The following PITPNC1 variants were observed in gnomAD, a reference collection of about 807,000 sequenced individuals.
PITPNC1 encodes the protein cytoplasmic phosphatidylinositol transfer protein 1.
Under a neutral mutation model 44.7 loss-of-function variants are expected in PITPNC1, and 18 were observed. That is an observed-to-expected ratio of 0.40 (90% CI 0.28 to 0.60). PITPNC1 has a LOEUF of 0.60. Among genes scored for constraint, PITPNC1 ranks in the 20% least tolerant of loss-of-function variants. The probability of loss-of-function intolerance (pLI) is 0.39; values close to 1 mark genes in which losing one functional copy is unlikely to be tolerated. For missense variants in PITPNC1, 290 were observed against 418.4 expected (o/e 0.69, Z 2.68); for synonymous variants, 141 against 149.6 (o/e 0.94, Z 0.42).
chr17:67,462,270 C>T (rs1333537109), intron 1 of PITPNC1, among the ~76,000 whole-genome samples: 1 of 116,690 alleles, frequency 8.6e-6, no homozygotes, highest in Non-Finnish European at 1.6e-5. Flanking sequence ...CTTGCTCTGT[C>T]GTCCAGGCTG....
chr17:67,640,994 A>G (rs2042087349), intron 6 of PITPNC1, among the ~76,000 whole-genome samples: 1 of 152,168 alleles, frequency 6.6e-6, no homozygotes, highest in South Asian at 2.1e-4. Context: ...TGTCTCAAAA[A>G]AAAAAGAAAC....
intron 1 of PITPNC1, among the ~76,000 whole-genome samples, chr17:67,494,185 T>TTCTTTTTCTTTTCTTTCTTTCTTTCTTTC: frequency 2.0e-5 from 2 of 102,428 alleles, no homozygotes; most frequent in Admixed American, 1.0e-4. Context: ...CTTTCTTTCT[T>TTCTTTTTCTTTTCTTTCTTTCTTTCTTTC]TTTCTTTCTT....
At chr17:67,568,954 G>A (rs180822038) in intron 4 of PITPNC1, among the ~76,000 whole-genome samples, 2 of 152,248 alleles carry the variant, frequency 1.3e-5, no homozygotes, top group Admixed American at 1.3e-4. Flanking sequence ...TGACAATAAT[G>A]ACAGTCTTCA....
intron 5 of PITPNC1, among the ~76,000 whole-genome samples, chr17:67,619,024 A>C (rs1409980522): frequency 3.3e-5 from 5 of 152,232 alleles, no homozygotes; most frequent in African/African-American, 1.2e-4. Flanking sequence ...GCGCCACTGC[A>C]CTCCAGCCTG....
intron 1 of PITPNC1, among the ~76,000 whole-genome samples, chr17:67,503,948 T>A (rs1247252059): frequency 6.6e-6 from 1 of 152,186 alleles, no homozygotes. Context: ...TCTATTCCCT[T>A]ATTTTGCAAC....
At chr17:67,446,339 T>C (rs1240819752) in intron 1 of PITPNC1, among the ~76,000 whole-genome samples, 5 of 151,848 alleles carry the variant, frequency 3.3e-5, no homozygotes, top group African/African-American at 4.8e-5. Context: ...TTCAGGACTT[T>C]CTAAAATTAA....
At chr17:67,560,364 T>C (rs1044228896) in intron 4 of PITPNC1, among the ~76,000 whole-genome samples, 1 of 152,212 alleles carries the variant, frequency 6.6e-6, no homozygotes, top group Non-Finnish European at 1.5e-5. Flanking sequence ...TGACTATTAC[T>C]CAGATACCAA....
chr17:67,623,949 T>A (rs954654570), intron 5 of PITPNC1, among the ~76,000 whole-genome samples: 1 of 152,172 alleles, frequency 6.6e-6, no homozygotes, highest in African/African-American at 2.4e-5. Context: ...AAAACACTTC[T>A]GTTCAAAGAG....
At chr17:67,588,804 G>A (rs994545359) in intron 5 of PITPNC1, among the ~76,000 whole-genome samples, 3 of 152,196 alleles carry the variant, frequency 2.0e-5, no homozygotes, top group African/African-American at 7.2e-5. Flanking sequence ...AGTGGGAACT[G>A]CAGAATCCAT....
At chr17:67,572,833 A>T (rs1439812421) in intron 4 of PITPNC1, among the ~76,000 whole-genome samples, 1 of 151,034 alleles carries the variant, frequency 6.6e-6, no homozygotes, top group Non-Finnish European at 1.5e-5. Flanking sequence ...GGTGGGTCCA[A>T]ATCCAATGAC....
chr17:67,387,621 G>A (rs534044219), intron 1 of PITPNC1, among the ~76,000 whole-genome samples: 1 of 152,174 alleles, frequency 6.6e-6, no homozygotes, highest in Non-Finnish European at 1.5e-5. Flanking sequence ...AGCTGAGATC[G>A]AGGCTGCACT....
chr17:67,583,317 G>A (rs564656879), intron 5 of PITPNC1, among the ~76,000 whole-genome samples: 28 of 152,182 alleles, frequency 1.8e-4, no homozygotes, highest in South Asian at 1.0e-3. Context: ...GCCAGGCGGG[G>A]TGGCTCACAC....
chr17:67,639,722 C>G (rs1385134414), intron 6 of PITPNC1, among the ~76,000 whole-genome samples: 4 of 152,186 alleles, frequency 2.6e-5, no homozygotes, highest in Non-Finnish European at 5.9e-5. Flanking sequence ...CCCCACAGAT[C>G]TAAATATCTG....
intron 5 of PITPNC1, among the ~76,000 whole-genome samples, chr17:67,605,783 G>A (rs902205568): frequency 1.4e-4 from 22 of 152,208 alleles, no homozygotes; most frequent in African/African-American, 5.1e-4. Flanking sequence ...AGTGAAGCCA[G>A]TAAACACTTG....
chr17:67,445,251 CT>C (rs1482695591), intron 1 of PITPNC1, among the ~76,000 whole-genome samples: 1 of 151,888 alleles, frequency 6.6e-6, no homozygotes, highest in African/African-American at 2.4e-5. Context: ...TGATTGTTTT[CT>C]TTTTTGCCAG....
At chr17:67,523,322 A>G (rs1179000457) in intron 1 of PITPNC1, among the ~76,000 whole-genome samples, 2 of 152,208 alleles carry the variant, frequency 1.3e-5, no homozygotes, top group Admixed American at 6.5e-5. Flanking sequence ...GTACAAGTAT[A>G]TGGCAGATGC....
chr17:67,411,597 C>T lies in PITPNC1; in HGVS notation c.48+33395C>T, dbSNP rs1241029069. On this transcript the variant is annotated intron_variant, in intron 1 of 8. Transcript: ENST00000581322. ...GCCCCAGGCCTAGGGGAACCTGTGT[C>T]CTAGTAGGTCACCAGGCCCTATGTT... Among the ~76,000 whole-genome samples, 5 of 151,922 alleles carry T rather than the reference C, an allele frequency of 3.3e-5. No individual in the cohort carries two copies. The East Asian group carries it at 9.7e-4, about 29-fold the overall frequency.
intron 1 of PITPNC1, among the ~76,000 whole-genome samples, chr17:67,453,161 G>A (rs530252671): frequency 6.6e-6 from 1 of 152,148 alleles, no homozygotes; most frequent in Admixed American, 6.6e-5. Context: ...TTGAGTGAAT[G>A]AGCAAACTGA....
chr17:67,675,588 T>TTCTA, intron 8 of PITPNC1, 46 bp downstream of exon 8: 1 of 1,311,350 alleles, frequency 7.6e-7, no homozygotes, highest in Non-Finnish European at 1.1e-6. Flanking sequence ...CTTCATGTTG[T>TTCTA]CTCGGGCTTT....
Sources: allele counts gnomAD v4.1 joint callset (sites outside exome capture counted in the v4.1 genomes callset), GRCh38; gene constraint gnomAD v4.1.1; transcripts MANE v1.5; gene names NCBI Gene and HGNC (gene_info 2026-07-23, HGNC 2026-07-21).